Variants in FOXP1 observed in about 807,000 individuals in gnomAD.
FOXP1 encodes forkhead box protein P1.
In FOXP1, 15 loss-of-function variants were observed where a neutral mutation model predicts 98.2. The ratio of observed to expected loss-of-function variants is 0.15; its 90% CI spans 0.10 to 0.24. The LOEUF (loss-of-function observed/expected upper bound fraction) is 0.24, where lower values mean the gene tolerates loss of function less well. FOXP1 is among the 10% of genes least tolerant of loss of function. The pLI, the probability that FOXP1 is intolerant of heterozygous loss-of-function variation, is 1.00. For synonymous variants in FOXP1, 371 were observed against 314.5 expected (o/e 1.18, Z -1.90); for missense variants, 633 against 848.5 (o/e 0.75, Z 3.15).
chr3:71,122,700 G>C (rs996974040), intron 6 of FOXP1, among the ~76,000 whole-genome samples: 2 of 152,154 alleles, frequency 1.3e-5, no homozygotes, highest in African/African-American at 4.8e-5. Context: ...GGAAAGTTTT[G>C]TAAGTCTTGA....
intron 5 of FOXP1, among the ~76,000 whole-genome samples, chr3:71,224,013 A>C (rs1278689112): frequency 6.6e-6 from 1 of 152,134 alleles, no homozygotes; most frequent in African/African-American, 2.4e-5. Flanking sequence ...CTCCTCATAG[A>C]CTAAGGAGGT....
rs1478562201 is a variant in FOXP1 at position 71,524,783 on chromosome 3, AAT to A, written c.-297-31230_-297-31229del. 1.6e-4 allele frequency among the ~76,000 whole-genome samples: 24 copies of A among 152,324 alleles called. No homozygotes were observed. The East Asian group carries it at 3.9e-3, about 25-fold the overall frequency. On this transcript the variant is annotated intron_variant, in intron 2 of 20. Transcript: ENST00000649528. Reference sequence around the variant, plus strand: ...AGTGTGGACTAGGCAGTAATCAGAAAATGTTTGACCTCAAGATATCTACTTGA... The same window carrying A: ...AGTGTGGACTAGGCAGTAATCAGAAAGTTTGACCTCAAGATATCTACTTGA...
intron 5 of FOXP1, among the ~76,000 whole-genome samples, chr3:71,281,135 G>C (rs142272891): frequency 6.6e-6 from 1 of 151,570 alleles, no homozygotes; most frequent in African/African-American, 2.4e-5. Context: ...AGGCTGAGGT[G>C]AGAGGATCAC....
chr3:71,427,959 G>A (rs572928875), intron 3 of FOXP1, among the ~76,000 whole-genome samples: 4 of 152,262 alleles, frequency 2.6e-5, no homozygotes, highest in South Asian at 2.1e-4. Context: ...TGAATTCCAA[G>A]AAAAAGATCA....
chr3:71,138,330 A>G (rs781456410), intron 6 of FOXP1, among the ~76,000 whole-genome samples: 1 of 152,248 alleles, frequency 6.6e-6, no homozygotes, highest in Middle Eastern at 3.2e-3. Flanking sequence ...TTAGCTGTTA[A>G]TAATACATCA....
chr3:71,515,998 A>G (rs542699780), intron 2 of FOXP1, among the ~76,000 whole-genome samples: 3 of 152,344 alleles, frequency 2.0e-5, no homozygotes, highest in Admixed American at 6.5e-5. Flanking sequence ...GTTTAATCAA[A>G]CGCTCATTAA....
intron 19 of FOXP1, chr3:70,968,923 T>C (rs2035568259): frequency 6.6e-6 from 1 of 152,214 alleles, no homozygotes; most frequent in Non-Finnish European, 1.5e-5. Flanking sequence ...TCTCAAATCA[T>C]GAATTTGTAT....
At chr3:71,446,524 A>T (rs533047693) in intron 3 of FOXP1, among the ~76,000 whole-genome samples, 1 of 150,306 alleles carries the variant, frequency 6.7e-6, no homozygotes, top group African/African-American at 2.4e-5. Flanking sequence ...TGAGGTGCCC[A>T]GGGCACCTGC....
At chr3:71,354,943 G>A (rs2078051002) in intron 4 of FOXP1, among the ~76,000 whole-genome samples, 2 of 152,180 alleles carry the variant, frequency 1.3e-5, no homozygotes, top group Non-Finnish European at 2.9e-5. Context: ...GTTTGAGCTT[G>A]GATCCCAATG....
At chr3:71,021,634 T>A (rs2045458339) in intron 11 of FOXP1, among the ~76,000 whole-genome samples, 1 of 152,234 alleles carries the variant, frequency 6.6e-6, no homozygotes, top group Admixed American at 6.5e-5. Context: ...CAAAGCACTT[T>A]ATATTCTCAC....
intron 7 of FOXP1, among the ~76,000 whole-genome samples, chr3:71,078,911 G>C (rs191738856): frequency 7.9e-5 from 12 of 152,212 alleles, no homozygotes; most frequent in Admixed American, 7.9e-4. Flanking sequence ...TCGTTACCTG[G>C]ATTCTGGGAA....
chr3:71,156,067 G>A (rs953150514), intron 6 of FOXP1, among the ~76,000 whole-genome samples: 5 of 152,182 alleles, frequency 3.3e-5, no homozygotes, highest in Non-Finnish European at 7.3e-5. Context: ...TCTCCTGCAG[G>A]GAGGACACAG....
At chr3:71,501,085 G>A (rs1308632566) in intron 2 of FOXP1, among the ~76,000 whole-genome samples, 2 of 151,970 alleles carry the variant, frequency 1.3e-5, no homozygotes, top group East Asian at 1.9e-4. Context: ...CCAGCTATTC[G>A]GGAGGCTGAG....
At chr3:71,578,075 G>GA (rs202194146) in intron 2 of FOXP1, among the ~76,000 whole-genome samples, 162 of 147,790 alleles carry the variant, frequency 1.1e-3, no homozygotes, top group Non-Finnish European at 3.0e-4. Flanking sequence ...TTAGCAAAAA[G>GA]AAAAAAAAAA....
intron 3 of FOXP1, among the ~76,000 whole-genome samples, chr3:71,461,192 G>T (rs559545686): frequency 1.3e-5 from 2 of 152,260 alleles, no homozygotes; most frequent in South Asian, 4.1e-4. Context: ...GGAACTCTGT[G>T]TACAAAGCAT....
chr3:71,110,787 G>A (rs79124992), intron 7 of FOXP1, among the ~76,000 whole-genome samples: 2 of 152,112 alleles, frequency 1.3e-5, no homozygotes, highest in African/African-American at 4.8e-5. Flanking sequence ...CAACATAGTC[G>A]TATTTCATCC....
At chr3:71,157,232 A>G (rs1310583739) in intron 6 of FOXP1, among the ~76,000 whole-genome samples, 1 of 152,222 alleles carries the variant, frequency 6.6e-6, no homozygotes. Flanking sequence ...ACACAGAACG[A>G]AAAGAGACTG....
At chr3:71,477,116 G>A (rs967445805) in intron 3 of FOXP1, among the ~76,000 whole-genome samples, 2 of 152,008 alleles carry the variant, frequency 1.3e-5, no homozygotes, top group East Asian at 1.9e-4. Flanking sequence ...GCTGGTTTCC[G>A]CCATCTTTCT....
intron 7 of FOXP1, among the ~76,000 whole-genome samples, chr3:71,090,320 G>A (rs2055660246): frequency 6.6e-6 from 1 of 152,082 alleles, no homozygotes. Context: ...GAGTTGTCAC[G>A]ATGGCTGTTA....
Sources: allele counts gnomAD v4.1 joint callset (sites outside exome capture counted in the v4.1 genomes callset), GRCh38; gene constraint gnomAD v4.1.1; transcripts MANE v1.5; gene names NCBI Gene and HGNC (gene_info 2026-07-23, HGNC 2026-07-21).